RASAL2: variants seen among roughly 807,000 people sequenced by gnomAD.
The protein encoded by RASAL2 is ras GTPase-activating protein nGAP.
RASAL2 carries 58 observed loss-of-function variants against 128.9 expected under a neutral mutation model. That is an observed-to-expected ratio of 0.45 (90% CI 0.36 to 0.56). The LOEUF is 0.56. RASAL2 is among the 20% of genes least tolerant of loss of function. The pLI, the probability that RASAL2 is intolerant of heterozygous loss-of-function variation, is 0.00. For synonymous variants in RASAL2, 561 were observed against 580.8 expected (o/e 0.97, Z 0.49); for missense variants, 1,360 against 1,601.6 (o/e 0.85, Z 2.57).
intron 1 of RASAL2, among the ~76,000 whole-genome samples, chr1:178,222,583 C>G (rs532850044): frequency 2.0e-5 from 3 of 152,100 alleles, no homozygotes; most frequent in South Asian, 4.2e-4. Context: ...AAAGTTCTAT[C>G]TTAGAACCGA....
chr1:178,163,704 TG>T (rs1313113049), intron 1 of RASAL2, among the ~76,000 whole-genome samples: 2 of 152,210 alleles, frequency 1.3e-5, no homozygotes, highest in African/African-American at 4.8e-5. Flanking sequence ...GTTTTGAGAT[TG>T]GGAAAATGCG....
Position 178,155,399 on chromosome 1 carries a change from T to G in RASAL2, c.202+60705T>G, listed in dbSNP as rs942333708. 3.0e-4 allele frequency among the ~76,000 whole-genome samples: 45 copies of G among 150,882 alleles called. No individual in the cohort carries two copies. In the South Asian group the frequency reaches 6.3e-3, roughly 21 times the overall value. On this transcript the variant is annotated intron_variant, in intron 1 of 17. Transcript: ENST00000367649. ...CTGTTTATTTTAAAAATTTAAGGCA[T>G]TTTTAGAAAGTTTTTTTTTTTACCC...
intron 1 of RASAL2, among the ~76,000 whole-genome samples, chr1:178,108,375 C>T (rs1450544703): frequency 3.3e-5 from 5 of 152,096 alleles, no homozygotes; most frequent in Non-Finnish European, 7.4e-5. Context: ...GTAACTGTGA[C>T]AGTCATGAGC....
rs758313610 is a variant in RASAL2 at position 178,467,423 on chromosome 1, T to A, written c.3678+2T>A. 6.8e-6 allele frequency: 11 copies of A among 1,612,196 alleles called. No individual in the cohort carries two copies. The highest frequency in any genetic ancestry group is 9.3e-6 in the Non-Finnish European group (11 of 1,178,364). ...AAGCAGAAAATAATTGATGCACAGG[T>A]AAGCAGGCTTTGAATCTAATAGAAG... On this transcript the variant is annotated splice_donor_variant, in intron 17 of 17. Transcript: ENST00000367649. LOFTEE classifies it high-confidence loss of function.
intron 1 of RASAL2, among the ~76,000 whole-genome samples, chr1:178,133,026 A>G (rs1271577463): frequency 6.6e-6 from 1 of 152,138 alleles, no homozygotes; most frequent in Non-Finnish European, 1.5e-5. Flanking sequence ...CGGCCTCCCA[A>G]AGTGCTGGGA....
intron 14 of RASAL2, among the ~76,000 whole-genome samples, chr1:178,463,146 A>G (rs569663853): frequency 1.4e-4 from 22 of 152,130 alleles, no homozygotes; most frequent in Non-Finnish European, 2.6e-4. Flanking sequence ...AGGGGAGAAA[A>G]TGCCCTTCAA....
chr1:178,250,722 C>G (rs1329293429), intron 1 of RASAL2, among the ~76,000 whole-genome samples: 1 of 152,166 alleles, frequency 6.6e-6, no homozygotes, highest in African/African-American at 2.4e-5. Context: ...AACCTTATTT[C>G]TTTATAAAAG....
intron 1 of RASAL2, among the ~76,000 whole-genome samples, chr1:178,206,989 A>G (rs1663071973): frequency 6.6e-6 from 1 of 152,098 alleles, no homozygotes. Flanking sequence ...AGCCTGGACT[A>G]CATAGCAAGA....
At chr1:178,421,134 T>C (rs1452117910) in intron 5 of RASAL2, among the ~76,000 whole-genome samples, 2 of 152,036 alleles carry the variant, frequency 1.3e-5, no homozygotes, top group Admixed American at 1.3e-4. Context: ...AAAAATGGTA[T>C]TTGAACTTGG....
intron 4 of RASAL2, among the ~76,000 whole-genome samples, chr1:178,390,484 T>G (rs1672837893): frequency 2.0e-5 from 3 of 152,136 alleles, no homozygotes; most frequent in Non-Finnish European, 2.9e-5. Flanking sequence ...GTTTAGGCGA[T>G]TCTCCTGCCT....
At chr1:178,137,472 C>T (rs1034021798) in intron 1 of RASAL2, among the ~76,000 whole-genome samples, 4 of 152,042 alleles carry the variant, frequency 2.6e-5, no homozygotes, top group African/African-American at 9.7e-5. Context: ...AGTGTGGCAC[C>T]GTTTTTACTG....
intron 1 of RASAL2, among the ~76,000 whole-genome samples, chr1:178,115,166 A>G (rs901327444): frequency 6.6e-5 from 10 of 152,220 alleles, no homozygotes; most frequent in Non-Finnish European, 2.9e-5. Context: ...TTTCCTTAAT[A>G]GATATAGGGC....
chr1:178,094,643 C>T lies in RASAL2; in HGVS notation c.151C>T (p.Arg51Trp). 1.2e-6 allele frequency: 2 copies of T among 1,614,042 alleles called. No homozygotes were observed. Among genetic ancestry groups the T allele is most frequent in the East Asian group, 2.2e-5 (1 of 44,882 alleles). Residue 51 changes from arginine to tryptophan, a missense_variant, in exon 1 of 18, where the codon CGG becomes TGG. Arg to Trp is a moderately radical substitution (Grantham distance 101). Around this residue, in one of 3 missense-constraint regions of RASAL2, gnomAD observed 617 missense variants for 714.2 expected, o/e 0.86. Transcript: ENST00000367649. ...SGAVAGGMLD[R>W]ILLESVCQQQ... Reference sequence around the variant, plus strand: ...AGCCGTCGCCGGTGGCATGTTGGATCGGATCCTTCTGGAGTCCGTGTGCCA... The same window carrying T: ...AGCCGTCGCCGGTGGCATGTTGGATTGGATCCTTCTGGAGTCCGTGTGCCA...
At chr1:178,278,240 T>G (rs1571764994) in intron 1 of RASAL2, among the ~76,000 whole-genome samples, 1 of 152,154 alleles carries the variant, frequency 6.6e-6, no homozygotes, top group East Asian at 1.9e-4. Context: ...CTTGAGTTAC[T>G]CCATAATGCT....
chr1:178,313,579 C>T (rs1439496755), intron 3 of RASAL2, among the ~76,000 whole-genome samples: 1 of 151,912 alleles, frequency 6.6e-6, no homozygotes, highest in East Asian at 1.9e-4. Context: ...CAGCCTCAAA[C>T]TCCTGGGCTC....
In RASAL2 at chr1:178,458,110, T is replaced by C; in HGVS notation, c.2818T>C (p.Ser940Pro). The C allele has an allele frequency of 6.2e-7, 1 of 1,614,194 alleles. No homozygotes were observed. Among genetic ancestry groups the C allele is most frequent in the Non-Finnish European group, 8.5e-7 (1 of 1,180,034 alleles). ...CCCAATTCCAGCAATGCCAAAGGCC[T>C]CTATAGATTCCAGTTTGGAGAACCT... The part of the protein sequence containing the change: ...NNPIPAMPKA[S>P]IDSSLENLST... The change falls in exon 14 of 18, where the codon TCT (serine) becomes CCT (proline). Residue 940 changes from serine to proline, a missense_variant. Ser to Pro is a moderately conservative substitution (Grantham distance 74, BLOSUM62 -1). This residue lies in a region of RASAL2 where 741 missense variants were observed against 868.6 expected (regional missense o/e 0.85). Transcript: ENST00000367649.
intron 3 of RASAL2, among the ~76,000 whole-genome samples, chr1:178,303,003 C>T (rs922129525): frequency 6.6e-6 from 1 of 151,532 alleles, no homozygotes; most frequent in Non-Finnish European, 1.5e-5. Context: ...GGAGACAGAG[C>T]GACACTCCAT....
chr1:178,309,261 C>CTAT, intron 3 of RASAL2, among the ~76,000 whole-genome samples: 1 of 152,078 alleles, frequency 6.6e-6, no homozygotes, highest in Non-Finnish European at 1.5e-5. Context: ...CTTAAAATGT[C>CTAT]ATGTCTTATT....
chr1:178,401,743 C>G (rs1396955833), intron 4 of RASAL2, among the ~76,000 whole-genome samples: 3 of 152,192 alleles, frequency 2.0e-5, no homozygotes, highest in Non-Finnish European at 4.4e-5. Context: ...ACCTGATGAT[C>G]TGTCCTAGCT....
Sources: allele counts gnomAD v4.1 joint callset (sites outside exome capture counted in the v4.1 genomes callset), GRCh38; gene constraint gnomAD v4.1.1; regional missense constraint gnomAD v4.1.1; transcripts MANE v1.5; gene names NCBI Gene and HGNC (gene_info 2026-07-23, HGNC 2026-07-21).